The following QKI variants were observed in gnomAD, a reference collection of about 807,000 sequenced individuals.
QKI encodes the protein KH domain-containing RNA-binding protein QKI.
Under a neutral mutation model 39.0 loss-of-function variants are expected in QKI, and 10 were observed. The observed-to-expected ratio is 0.26, with a 90% CI of 0.16 to 0.43. The LOEUF (loss-of-function observed/expected upper bound fraction) is 0.43. Among genes scored for constraint, QKI ranks in the 20% least tolerant of loss-of-function variants. The pLI, the probability that QKI is intolerant of heterozygous loss-of-function variation, is 1.00. For missense variants in QKI, 218 were observed against 428.0 expected (o/e 0.51, Z 4.33); for synonymous variants, 204 against 155.4 (o/e 1.31, Z -2.33).
chr6:163,499,257 C>T (rs1778598248), intron 3 of QKI, among the ~76,000 whole-genome samples: 1 of 152,140 alleles, frequency 6.6e-6, no homozygotes, highest in Admixed American at 6.5e-5. Context: ...ACTTATTTGA[C>T]TTCTATTCGT....
intron 2 of QKI, among the ~76,000 whole-genome samples, chr6:163,470,862 A>C (rs1744926): frequency 0.69 from 104,702 of 151,938 alleles, 37,221 homozygotes; most frequent in East Asian, 1. Context: ...AAAAAGTAGA[A>C]GGGAATGTGA....
intron 3 of QKI, among the ~76,000 whole-genome samples, chr6:163,521,376 A>G (rs757790244): frequency 1.6e-4 from 25 of 152,186 alleles, no homozygotes; most frequent in Non-Finnish European, 2.9e-4. Context: ...CCTTAAATGT[A>G]ACAAATATTT....
chr6:163,436,867 T>A (rs1008982891), intron 1 of QKI, among the ~76,000 whole-genome samples: 1 of 151,566 alleles, frequency 6.6e-6, no homozygotes. Context: ...ACCAGTAAAT[T>A]GTATATTTTT....
chr6:163,566,471 A>G (rs1287732437), intron 6 of QKI: 19 of 1,325,302 alleles, frequency 1.4e-5, no homozygotes, highest in Non-Finnish European at 1.8e-5. Flanking sequence ...GAAATACTGT[A>G]ACTTGGGGAT....
intron 1 of QKI, among the ~76,000 whole-genome samples, chr6:163,419,741 A>G (rs1055160261): frequency 6.6e-6 from 1 of 152,196 alleles, no homozygotes. Flanking sequence ...TATCCAGTTT[A>G]CATGTTTTGT....
At chr6:163,508,304 A>G (rs2128234133) in intron 3 of QKI, among the ~76,000 whole-genome samples, 1 of 152,256 alleles carries the variant, frequency 6.6e-6, no homozygotes, top group Non-Finnish European at 1.5e-5. Context: ...AGCAAGTAGA[A>G]TGAACACAAG....
intron 4 of QKI, among the ~76,000 whole-genome samples, chr6:163,553,719 G>T (rs1456095158): frequency 6.6e-6 from 1 of 152,046 alleles, no homozygotes; most frequent in Non-Finnish European, 1.5e-5. Context: ...TTGAGACTTG[G>T]CTTTTGTTTT....
intron 1 of QKI, among the ~76,000 whole-genome samples, chr6:163,445,362 T>G (rs1416834175): frequency 6.6e-6 from 1 of 152,210 alleles, no homozygotes; most frequent in Admixed American, 6.5e-5. Context: ...CCTACTCTGT[T>G]GGTTTTTCTG....
chr6:163,469,517 A>T (rs984255248), intron 2 of QKI, among the ~76,000 whole-genome samples: 2 of 152,216 alleles, frequency 1.3e-5, no homozygotes, highest in Non-Finnish European at 2.9e-5. Flanking sequence ...GGTAACAAAT[A>T]TAGTAGAGGC....
chr6:163,486,103 A>G lies in QKI; in HGVS notation c.402+7207A>G, dbSNP rs143946070. ...ATCTGTGCTGCATCATGTTCAGACC[A>G]TGGGACAACCTTGGAAAAGAGTTAC... On this transcript the variant is annotated intron_variant, in intron 3 of 7. Coordinates refer to ENST00000361752, the MANE Select transcript of QKI (RefSeq NM_006775.3). Among the ~76,000 whole-genome samples, 1,155 of 152,324 alleles carry G rather than the reference A, an allele frequency of 7.6e-3. 8 individuals are homozygous for G. The highest frequency in any genetic ancestry group is 0.027 in the Middle Eastern group (8 of 294).
chr6:163,443,160 G>T (rs191241298), intron 1 of QKI, among the ~76,000 whole-genome samples: 16 of 152,316 alleles, frequency 1.1e-4, no homozygotes, highest in Non-Finnish European at 8.8e-5. Flanking sequence ...TGTGTAATAT[G>T]TTGGTCTTGT....
intron 3 of QKI, among the ~76,000 whole-genome samples, chr6:163,534,308 A>G (rs1781058499): frequency 6.6e-6 from 1 of 152,220 alleles, no homozygotes; most frequent in African/African-American, 2.4e-5. Context: ...AGTTAATTTT[A>G]AGGTATGGTC....
chr6:163,477,592 C>T (rs950592115), intron 2 of QKI, among the ~76,000 whole-genome samples: 2 of 152,134 alleles, frequency 1.3e-5, no homozygotes, highest in African/African-American at 4.8e-5. Context: ...GAGCTATTAG[C>T]AGATTTCAGA....
chr6:163,552,699 CTA>C (rs899912558), intron 4 of QKI, among the ~76,000 whole-genome samples: 1 of 152,140 alleles, frequency 6.6e-6, no homozygotes, highest in Non-Finnish European at 1.5e-5. Context: ...GAGAAGGAAT[CTA>C]TAGTTACCGT....
chr6:163,566,022 A>G, intron 6 of QKI: 3 of 1,599,248 alleles, frequency 1.9e-6, no homozygotes, highest in Non-Finnish European at 2.6e-6. Context: ...AATTTAACAA[A>G]TGCTTAGTCT....
intron 3 of QKI, among the ~76,000 whole-genome samples, chr6:163,526,577 A>G (rs554656387): frequency 1.6e-3 from 249 of 152,348 alleles, no homozygotes; most frequent in Non-Finnish European, 2.5e-3. Context: ...ATTTATTTCT[A>G]TCACCACTAT....
rs1218752753 is a variant in QKI at position 163,565,984 on chromosome 6, G to A, written c.935-737G>A. On this transcript the variant is annotated intron_variant, in intron 6 of 7. Coordinates refer to ENST00000361752, the MANE Select transcript of QKI (RefSeq NM_006775.3). Reference sequence around the variant, plus strand: ...AACGAAAGGCTAAGAATTCAAGAACGGTCTTAACTGAACCCTCATCAGATC... The same window carrying A: ...AACGAAAGGCTAAGAATTCAAGAACAGTCTTAACTGAACCCTCATCAGATC... 2.5e-6 allele frequency: 4 copies of A among 1,612,428 alleles called. No individual in the cohort carries two copies. The Admixed American group carries it at 5.0e-5, about 20-fold the overall frequency.
At chr6:163,438,932 A>G (rs1789519879) in intron 1 of QKI, among the ~76,000 whole-genome samples, 2 of 152,228 alleles carry the variant, frequency 1.3e-5, no homozygotes, top group South Asian at 2.1e-4. Flanking sequence ...ATACAAATAC[A>G]TTATACAGCT....
At chr6:163,496,014 T>C (rs2128230038) in intron 3 of QKI, among the ~76,000 whole-genome samples, 1 of 152,376 alleles carries the variant, frequency 6.6e-6, no homozygotes, top group Middle Eastern at 3.4e-3. Context: ...AATTTAGGAT[T>C]GTAATGTCTT....
Sources: allele counts gnomAD v4.1 joint callset (sites outside exome capture counted in the v4.1 genomes callset), GRCh38; gene constraint gnomAD v4.1.1; transcripts MANE v1.5; gene names NCBI Gene and HGNC (gene_info 2026-07-23, HGNC 2026-07-21).